NHLRC2: variants seen among roughly 807,000 people sequenced by gnomAD.
NHLRC2 encodes NHL repeat containing 2.
A neutral mutation model predicts 68.1 loss-of-function variants in NHLRC2; 33 were observed. The ratio of observed to expected loss-of-function variants is 0.48; its 90% CI spans 0.37 to 0.65. The LOEUF (loss-of-function observed/expected upper bound fraction) is 0.65. Among genes scored for constraint, NHLRC2 ranks in the 30% least tolerant of loss-of-function variants. NHLRC2 has a pLI of 0.00. For missense variants in NHLRC2, 761 were observed against 853.8 expected (o/e 0.89, Z 1.35); for synonymous variants, 311 against 309.6 (o/e 1.00, Z -0.05).
chr10:113,896,670 A>G (rs1189083248), intron 5 of NHLRC2, among the ~76,000 whole-genome samples: 2 of 151,782 alleles, frequency 1.3e-5, no homozygotes, highest in Non-Finnish European at 2.9e-5. Flanking sequence ...GTGTAATAAT[A>G]ATAAATAAAT....
At chr10:113,867,540 CAT>C (rs1845879918) in intron 2 of NHLRC2, among the ~76,000 whole-genome samples, 1 of 152,206 alleles carries the variant, frequency 6.6e-6, no homozygotes, top group African/African-American at 2.4e-5. Flanking sequence ...CCCTCTCCAG[CAT>C]CTTTTCCACA....
In NHLRC2 at chr10:113,898,329, A is replaced by G. The variant is rs1406285581; in HGVS notation, c.1139+120A>G. On this transcript the variant is annotated intron_variant, in intron 6 of 10. Transcript: ENST00000369301. ...ATGTGCTAGGTTGTACTGCCATAGCACACAACGCAGATTCTCAGTGACTTA... is the reference window on the plus strand; with the variant it reads ...ATGTGCTAGGTTGTACTGCCATAGCGCACAACGCAGATTCTCAGTGACTTA... 1.2e-5 allele frequency: 7 copies of G among 576,630 alleles called. No individual in the cohort carries two copies. The Admixed American group carries it at 1.4e-4, about 11-fold the overall frequency. 35.7% of individuals were successfully genotyped at this position (576,630 alleles called of 1,614,324 possible). A position where few individuals can be genotyped will look rare whatever the true frequency, so the allele number is the denominator to read the frequency against.
In NHLRC2 at chr10:113,911,051, T is replaced by G. The variant is rs1242934752; in HGVS notation, c.*2515T>G. The G allele has an allele frequency of 6.6e-6, 1 of 152,204 alleles. No individual in the cohort carries two copies. The highest frequency in any genetic ancestry group is 1.5e-5 in the Non-Finnish European group (1 of 68,002). The allele number at this position is 152,204 out of a possible 1,614,324, so 9.4% of individuals were successfully genotyped here. Reference sequence around the variant, plus strand: ...TATTCTATAAGGACTAATGCATATTTTTTATCTTTTGCTTTTCTTGTTGGA... The same window carrying G: ...TATTCTATAAGGACTAATGCATATTGTTTATCTTTTGCTTTTCTTGTTGGA... On this transcript the variant is annotated 3_prime_UTR_variant, in exon 11 of 11. Transcript: ENST00000369301.
rs781157874 is a variant in NHLRC2 at position 113,908,572 on chromosome 10, A to T, written c.*36A>T. 1.2e-6 allele frequency: 2 copies of T among 1,607,856 alleles called. No homozygotes were observed. Among genetic ancestry groups the T allele is most frequent in the Non-Finnish European group, 1.7e-6 (2 of 1,175,644 alleles). ...AGCTAGCAACCCATTGCCACCACCT[A>T]CTGTCTCCCATCCTGACTATCACTG... On this transcript the variant is annotated 3_prime_UTR_variant, in exon 11 of 11. Coordinates refer to ENST00000369301, the MANE Select transcript of NHLRC2 (RefSeq NM_198514.4).
chr10:113,913,509 C>G lies in NHLRC2; in HGVS notation c.*4973C>G, dbSNP rs559479076. The G allele has an allele frequency of 2.6e-5, 4 of 152,130 alleles. No individual in the cohort carries two copies. Among genetic ancestry groups the G allele is most frequent in the Non-Finnish European group, 5.9e-5 (4 of 68,020 alleles). 9.4% of individuals were successfully genotyped at this position (152,130 alleles called of 1,614,324 possible). A position where few individuals can be genotyped will look rare whatever the true frequency, so the allele number is the denominator to read the frequency against. ...ATGGATGTATTAAAAAAATAGCTTTCCAGTGTTAGTTCTCAACAGTGCTGT... is the reference window on the plus strand; with the variant it reads ...ATGGATGTATTAAAAAAATAGCTTTGCAGTGTTAGTTCTCAACAGTGCTGT... On this transcript the variant is annotated 3_prime_UTR_variant, in exon 11 of 11. Transcript: ENST00000369301.
At chr10:113,855,854 A>T (rs527680233) in intron 1 of NHLRC2, among the ~76,000 whole-genome samples, 1 of 152,150 alleles carries the variant, frequency 6.6e-6, no homozygotes, top group African/African-American at 2.4e-5. Context: ...AGGAGATATT[A>T]CCTTATTCAA....
rs781694523 is a variant in NHLRC2 at position 113,858,644 on chromosome 10, G to T, written c.295G>T (p.Asp99Tyr). The change falls in exon 2 of 11, where the codon GAT (aspartate) becomes TAT (tyrosine). Residue 99 changes from aspartate to tyrosine, a missense_variant. Coordinates refer to ENST00000369301, the MANE Select transcript of NHLRC2 (RefSeq NM_198514.4). The part of the protein sequence containing the change: ...CCINCIHLLP[D>Y]LHALEHTYSD... ...CATAAACTGTATTCACCTATTGCCT[G>T]ATCTCCATGCATTAGAACACACATA... 3.1e-6 allele frequency: 5 copies of T among 1,611,440 alleles called. No individual in the cohort carries two copies. Among genetic ancestry groups the T allele is most frequent in the South Asian group, 1.1e-5 (1 of 90,972 alleles).
chr10:113,876,379 T>G, intron 2 of NHLRC2, 142 bp from the exon 3 acceptor site: 1 of 484,620 alleles, frequency 2.1e-6, no homozygotes, highest in Non-Finnish European at 3.6e-6. Context: ...AAAATGCAGT[T>G]GAAGATCCCA....
At chr10:113,900,833 T>C (rs780447070) in intron 6 of NHLRC2, among the ~76,000 whole-genome samples, 23 of 152,098 alleles carry the variant, frequency 1.5e-4, no homozygotes, top group Non-Finnish European at 2.9e-4. Flanking sequence ...TGATGGTGAG[T>C]TCAGACTTTT....
chr10:113,870,110 C>G (rs2134698260), intron 2 of NHLRC2, among the ~76,000 whole-genome samples: 1 of 152,258 alleles, frequency 6.6e-6, no homozygotes, highest in Admixed American at 6.5e-5. Context: ...TCAAATAATT[C>G]AGAAATTACT....
At chr10:113,882,433 A>C (rs553255254) in intron 4 of NHLRC2, among the ~76,000 whole-genome samples, 2 of 151,682 alleles carry the variant, frequency 1.3e-5, no homozygotes, top group Non-Finnish European at 3.0e-5. Flanking sequence ...TGGTTTTGAT[A>C]TGCATTTCCC....
intron 2 of NHLRC2, among the ~76,000 whole-genome samples, chr10:113,875,713 A>C (rs989271286): frequency 6.6e-5 from 10 of 152,046 alleles, no homozygotes; most frequent in African/African-American, 2.4e-4. Flanking sequence ...CTGTGTTTTG[A>C]TTCGGAATTG....
intron 4 of NHLRC2, among the ~76,000 whole-genome samples, chr10:113,882,434 T>C (rs2134714088): frequency 6.6e-6 from 1 of 151,958 alleles, no homozygotes; most frequent in East Asian, 1.9e-4. Flanking sequence ...GGTTTTGATA[T>C]GCATTTCCCT....
At chr10:113,893,686 C>T (rs989791188) in intron 5 of NHLRC2, among the ~76,000 whole-genome samples, 2 of 152,092 alleles carry the variant, frequency 1.3e-5, no homozygotes, top group African/African-American at 4.8e-5. Flanking sequence ...TAAACCAATG[C>T]CCATACTTTA....
chr10:113,869,104 G>C (rs1845898060), intron 2 of NHLRC2, among the ~76,000 whole-genome samples: 1 of 152,190 alleles, frequency 6.6e-6, no homozygotes, highest in African/African-American at 2.4e-5. Flanking sequence ...ATAACTACTT[G>C]GTGGGCAAGA....
intron 1 of NHLRC2, among the ~76,000 whole-genome samples, chr10:113,858,046 C>CTT (rs529701767): frequency 1.1e-4 from 14 of 131,650 alleles, no homozygotes; most frequent in African/African-American, 1.7e-4. Context: ...ATATTTCTTC[C>CTT]TTTTTTTTTT....
intron 2 of NHLRC2, among the ~76,000 whole-genome samples, chr10:113,867,547 T>C (rs1006828119): frequency 2.0e-5 from 3 of 152,230 alleles, no homozygotes; most frequent in Non-Finnish European, 4.4e-5. Context: ...CAGCATCTTT[T>C]CCACACCCTT....
intron 6 of NHLRC2, among the ~76,000 whole-genome samples, chr10:113,900,659 C>T (rs1265242603): frequency 6.6e-6 from 1 of 152,118 alleles, no homozygotes; most frequent in African/African-American, 2.4e-5. Context: ...TCCTTGTAGA[C>T]TCCTTTCAAT....
chr10:113,864,603 A>G (rs1308671546), intron 2 of NHLRC2, among the ~76,000 whole-genome samples: 1 of 151,802 alleles, frequency 6.6e-6, no homozygotes, highest in Non-Finnish European at 1.5e-5. Flanking sequence ...AGGCTGAGGC[A>G]AGAGAATCGC....
Sources: allele counts gnomAD v4.1 joint callset (sites outside exome capture counted in the v4.1 genomes callset), GRCh38; gene constraint gnomAD v4.1.1; transcripts MANE v1.5; gene names NCBI Gene and HGNC (gene_info 2026-07-23, HGNC 2026-07-21).